The following CCDC6 variants were observed in gnomAD, a reference collection of about 807,000 sequenced individuals.
The protein encoded by CCDC6 is coiled-coil domain-containing protein 6.
CCDC6 carries 20 observed loss-of-function variants against 56.6 expected under a neutral mutation model. That is an observed-to-expected ratio of 0.35 (90% CI 0.25 to 0.51). The LOEUF is 0.51. Among genes scored for constraint, CCDC6 ranks in the 20% least tolerant of loss-of-function variants. CCDC6 has a pLI of 0.95. For missense variants in CCDC6, 367 were observed against 601.1 expected (o/e 0.61, Z 4.07); for synonymous variants, 241 against 234.4 (o/e 1.03, Z -0.26).
chr10:59,832,732 T>C lies in CCDC6; in HGVS notation c.454-79A>G, dbSNP rs1037810053. 17 of 1,480,522 alleles carry C rather than the reference T, an allele frequency of 1.1e-5. No homozygotes were observed. In the African/African-American group the frequency reaches 2.1e-4, roughly 19 times the overall value. 91.7% of individuals were successfully genotyped at this position (1,480,522 alleles called of 1,614,324 possible). A position where few individuals can be genotyped will look rare whatever the true frequency, so the allele number is the denominator to read the frequency against. ...AAACACTGGCTCCAAAAGGTGACTA[T>C]ACAAAGAAGCTATACCACAAAAGTT... On this transcript the variant is annotated intron_variant, in intron 2 of 8. Coordinates refer to ENST00000263102, the MANE Select transcript of CCDC6 (RefSeq NM_005436.5).
intron 2 of CCDC6, among the ~76,000 whole-genome samples, chr10:59,838,924 C>G (rs568202011): frequency 1.3e-5 from 2 of 152,306 alleles, no homozygotes; most frequent in South Asian, 2.1e-4. Context: ...TGTGCACTCA[C>G]CCTCCTTTAA....
At chr10:59,844,314 A>G (rs925478352) in intron 2 of CCDC6, among the ~76,000 whole-genome samples, 1 of 151,968 alleles carries the variant, frequency 6.6e-6, no homozygotes, top group Admixed American at 6.6e-5. Flanking sequence ...CAGACTTCCT[A>G]TCTACTTGGG....
intron 1 of CCDC6, among the ~76,000 whole-genome samples, chr10:59,878,176 T>C (rs2071300964): frequency 1.3e-5 from 2 of 152,206 alleles, no homozygotes; most frequent in Admixed American, 1.3e-4. Flanking sequence ...TTATAAACTA[T>C]AGATTTATGA....
chr10:59,839,219 T>C (rs995235483), intron 2 of CCDC6, among the ~76,000 whole-genome samples: 4 of 152,126 alleles, frequency 2.6e-5, no homozygotes, highest in Non-Finnish European at 5.9e-5. Flanking sequence ...CAAACTGAGG[T>C]CCTTGGCTTC....
chr10:59,795,332 A>G (rs555736286), intron 7 of CCDC6, among the ~76,000 whole-genome samples: 1 of 152,176 alleles, frequency 6.6e-6, no homozygotes, highest in Non-Finnish European at 1.5e-5. Flanking sequence ...TTCTCTAAAA[A>G]AGATACACAA....
rs558521473 is a variant in CCDC6, at chr10:59,833,616, C to T, written c.454-963G>A. Among the ~76,000 whole-genome samples the T allele has an allele frequency of 1.1e-4, 12 of 109,784 alleles. No individual in the cohort carries two copies. The South Asian group carries it at 1.5e-3, about 14-fold the overall frequency. 72.0% of individuals were successfully genotyped at this position (109,784 alleles called of 152,430 possible). On this transcript the variant is annotated intron_variant, in intron 2 of 8. Transcript: ENST00000263102. ...GGGGAGGTTCTCATTAATAATCGCGCGTTATTTTTATAACACTCTCAACTG... is the reference window on the plus strand; with the variant it reads ...GGGGAGGTTCTCATTAATAATCGCGTGTTATTTTTATAACACTCTCAACTG...
chr10:59,886,084 A>C (rs1042564766), intron 1 of CCDC6, among the ~76,000 whole-genome samples: 1 of 152,214 alleles, frequency 6.6e-6, no homozygotes, highest in Non-Finnish European at 1.5e-5. Flanking sequence ...TGAGATGAAC[A>C]AAGAAGACCG....
intron 7 of CCDC6, among the ~76,000 whole-genome samples, chr10:59,802,176 T>C (rs533044477): frequency 6.6e-6 from 1 of 152,282 alleles, no homozygotes; most frequent in South Asian, 2.1e-4. Context: ...ATAAAAGCAG[T>C]CCAAATATAA....
At chr10:59,805,353 C>G (rs1048674136) in intron 6 of CCDC6, 8 of 152,186 alleles carry the variant, frequency 5.3e-5, no homozygotes, top group African/African-American at 1.9e-4. Context: ...AATTTTCTTT[C>G]TCCCAAATGT....
intron 3 of CCDC6, among the ~76,000 whole-genome samples, chr10:59,826,419 CT>C (rs537640485): frequency 1.1e-4 from 16 of 152,308 alleles, no homozygotes; most frequent in African/African-American, 3.6e-4. Context: ...GTCTTTTCTC[CT>C]GCATCAATCT....
rs531716685 is a variant in CCDC6 at position 59,870,240 on chromosome 10, A to C, written c.304-17538T>G. On this transcript the variant is annotated intron_variant, in intron 1 of 8. Coordinates refer to ENST00000263102, the MANE Select transcript of CCDC6 (RefSeq NM_005436.5). ...TGGGCAACTCATTGAGACGTGGAAA[A>C]AGGCTTCTCTTAAACTCAACCTTTT... is the stretch of plus-strand genomic sequence containing the variant. 1.2e-4 allele frequency among the ~76,000 whole-genome samples: 19 copies of C among 152,278 alleles called. No homozygotes were observed. In the South Asian group the frequency reaches 2.9e-3, roughly 23 times the overall value.
Position 59,825,647 on chromosome 10 carries a change from G to T in CCDC6, c.582+6878C>A, listed in dbSNP as rs182360994. On this transcript the variant is annotated intron_variant, in intron 3 of 8. Coordinates refer to ENST00000263102, the MANE Select transcript of CCDC6 (RefSeq NM_005436.5). ...TAATTCACTAGAGTTAGTTGCTGTAGCTACTAAAACAAGTGGCATCAGAAT... is the reference window on the plus strand; with the variant it reads ...TAATTCACTAGAGTTAGTTGCTGTATCTACTAAAACAAGTGGCATCAGAAT... 4.6e-5 allele frequency among the ~76,000 whole-genome samples: 7 copies of T among 152,286 alleles called. No homozygotes were observed. In the East Asian group the frequency reaches 1.4e-3, roughly 29 times the overall value.
At chr10:59,861,414 C>T (rs1470285572) in intron 1 of CCDC6, among the ~76,000 whole-genome samples, 1 of 111,388 alleles carries the variant, frequency 9.0e-6, no homozygotes, top group Non-Finnish European at 1.7e-5. Context: ...CAATGTCTGG[C>T]ATTCAATCAA....
chr10:59,804,379 C>T (rs1274833313), intron 7 of CCDC6, 41 bp downstream of exon 7: 2 of 1,208,568 alleles, frequency 1.7e-6, no homozygotes, highest in Non-Finnish European at 1.2e-6. Context: ...ATTCAATGTG[C>T]CAGGAATCAG....
chr10:59,846,824 TTTA>T (rs1281906039), intron 2 of CCDC6, among the ~76,000 whole-genome samples: 3 of 152,150 alleles, frequency 2.0e-5, no homozygotes, highest in Admixed American at 1.3e-4. Flanking sequence ...AAAAAAACAG[TTTA>T]TTAACTTTTG....
intron 2 of CCDC6, among the ~76,000 whole-genome samples, chr10:59,835,845 C>T (rs551911005): frequency 4.6e-5 from 7 of 152,090 alleles, no homozygotes; most frequent in African/African-American, 1.7e-4. Context: ...ATCGCTTGAG[C>T]CCCAGAGTTT....
intron 1 of CCDC6, among the ~76,000 whole-genome samples, chr10:59,880,490 G>A (rs1032263137): frequency 1.3e-5 from 2 of 152,212 alleles, no homozygotes; most frequent in Non-Finnish European, 2.9e-5. Flanking sequence ...ACTCCACATA[G>A]TGGCTACCCT....
At chr10:59,866,308 G>A (rs1015968769) in intron 1 of CCDC6, among the ~76,000 whole-genome samples, 12 of 152,262 alleles carry the variant, frequency 7.9e-5, no homozygotes, top group Admixed American at 7.8e-4. Flanking sequence ...CAAGAATAAA[G>A]AGATTTAAAA....
chr10:59,862,576 CACACACACAT>C (rs2071143286), intron 1 of CCDC6, among the ~76,000 whole-genome samples: 7 of 146,470 alleles, frequency 4.8e-5, no homozygotes, highest in African/African-American at 1.8e-4. Flanking sequence ...CACATACACA[CACACACACAT>C]ATATAAAACC....
Sources: allele counts gnomAD v4.1 joint callset (sites outside exome capture counted in the v4.1 genomes callset), GRCh38; gene constraint gnomAD v4.1.1; transcripts MANE v1.5; gene names NCBI Gene and HGNC (gene_info 2026-07-23, HGNC 2026-07-21).